Variants in CADPS2 observed in about 807,000 individuals in gnomAD.
CADPS2 encodes the protein calcium-dependent secretion activator 2.
CADPS2 carries 93 observed loss-of-function variants against 172.5 expected under a neutral mutation model. The ratio of observed to expected loss-of-function variants is 0.54; its 90% CI spans 0.46 to 0.64. CADPS2 has a LOEUF of 0.64. Among genes scored for constraint, CADPS2 ranks in the 30% least tolerant of loss-of-function variants. The pLI is 0.00. For missense variants in CADPS2, 1,420 were observed against 1,565.9 expected (o/e 0.91, Z 1.57); for synonymous variants, 546 against 555.2 (o/e 0.98, Z 0.23).
intron 1 of CADPS2, among the ~76,000 whole-genome samples, chr7:122,837,641 C>G (rs1808943000): frequency 6.6e-6 from 1 of 152,168 alleles, no homozygotes; most frequent in Non-Finnish European, 1.5e-5. Context: ...TCAGAGAATA[C>G]TATAAACACC....
intron 1 of CADPS2, among the ~76,000 whole-genome samples, chr7:122,852,629 T>A (rs951463794): frequency 1.2e-4 from 19 of 152,090 alleles, no homozygotes; most frequent in African/African-American, 4.6e-4. Context: ...ACAGTAAGAA[T>A]GAAGGCAAAG....
At chr7:122,763,536 A>G (rs2093456551) in intron 1 of CADPS2, among the ~76,000 whole-genome samples, 1 of 152,220 alleles carries the variant, frequency 6.6e-6, no homozygotes, top group Admixed American at 6.5e-5. Context: ...CATCATATCC[A>G]TCGTCAAAAT....
intron 3 of CADPS2, among the ~76,000 whole-genome samples, chr7:122,647,612 TC>T (rs977244030): frequency 2.6e-5 from 4 of 152,198 alleles, no homozygotes; most frequent in Non-Finnish European, 5.9e-5. Flanking sequence ...TTAACTTTTT[TC>T]TAGTTTAAAG....
intron 1 of CADPS2, among the ~76,000 whole-genome samples, chr7:122,882,207 A>G (rs1422726424): frequency 6.6e-6 from 1 of 152,186 alleles, no homozygotes; most frequent in Non-Finnish European, 1.5e-5. Flanking sequence ...TTATTTACAT[A>G]CATTTCTCAA....
chr7:122,677,231 T>C (rs2082474168), intron 2 of CADPS2, among the ~76,000 whole-genome samples: 1 of 152,192 alleles, frequency 6.6e-6, no homozygotes, highest in South Asian at 2.1e-4. Flanking sequence ...TGCTATAAGT[T>C]TGTAACAAAG....
At chr7:122,455,944 C>A (rs538458548) in intron 14 of CADPS2, among the ~76,000 whole-genome samples, 1 of 152,152 alleles carries the variant, frequency 6.6e-6, no homozygotes, top group East Asian at 1.9e-4. Flanking sequence ...CTCAGGTGAT[C>A]CACCCTCCTC....
At chr7:122,360,879 AC>A in intron 26 of CADPS2, 50 bp downstream of exon 26, 1 of 1,596,006 alleles carries the variant, frequency 6.3e-7, no homozygotes, top group East Asian at 2.2e-5. Context: ...CCATATAAGT[AC>A]TATGACAACA....
At chr7:122,458,000 G>A (rs1043353522) in intron 14 of CADPS2, among the ~76,000 whole-genome samples, 1 of 152,124 alleles carries the variant, frequency 6.6e-6, no homozygotes, top group African/African-American at 2.4e-5. Flanking sequence ...GAAATCTGGT[G>A]GTTTGTTGTA....
intron 17 of CADPS2, among the ~76,000 whole-genome samples, chr7:122,436,893 G>A (rs556964160): frequency 2.7e-4 from 41 of 152,128 alleles, no homozygotes; most frequent in Non-Finnish European, 4.1e-4. Context: ...TTCTGTATCC[G>A]TGGACAAGTT....
At chr7:122,529,980 A>C (rs2061617695) in intron 8 of CADPS2, among the ~76,000 whole-genome samples, 1 of 152,138 alleles carries the variant, frequency 6.6e-6, no homozygotes, top group African/African-American at 2.4e-5. Flanking sequence ...AACTGGCATG[A>C]AAAACTTACT....
Position 122,709,500 on chromosome 7 carries a change from G to A in CADPS2, c.453+27455C>T, listed in dbSNP as rs190015162. 1.8e-3 allele frequency among the ~76,000 whole-genome samples: 280 copies of A among 151,750 alleles called. 1 individual carries two copies. The highest frequency in any genetic ancestry group is 2.3e-3 in the Non-Finnish European group (157 of 67,916). On this transcript the variant is annotated intron_variant, in intron 2 of 29. Coordinates refer to ENST00000449022, the MANE Select transcript of CADPS2 (RefSeq NM_017954.11). ...CAACCATTGTGGAAGCCAGTGCAGC[G>A]ATTCCTCAGGGATCTAGAACTAGAA... is the stretch of plus-strand genomic sequence containing the variant.
chr7:122,368,906 A>G (rs2041337332), intron 25 of CADPS2, among the ~76,000 whole-genome samples: 1 of 152,054 alleles, frequency 6.6e-6, no homozygotes, highest in Non-Finnish European at 1.5e-5. Context: ...TTTTTTGATG[A>G]GGAAAATAAG....
chr7:122,416,996 T>C (rs905573647), intron 17 of CADPS2, among the ~76,000 whole-genome samples: 12 of 152,360 alleles, frequency 7.9e-5, no homozygotes, highest in South Asian at 2.1e-4. Context: ...CGGGGATTCA[T>C]AGGCTCTTTC....
intron 2 of CADPS2, among the ~76,000 whole-genome samples, chr7:122,720,840 T>C (rs754899214): frequency 1.1e-4 from 16 of 152,164 alleles, no homozygotes; most frequent in South Asian, 8.3e-4. Flanking sequence ...TTGAATATTA[T>C]TAAATTTACC....
At chr7:122,773,019 A>C (rs2093751088) in intron 1 of CADPS2, among the ~76,000 whole-genome samples, 1 of 152,136 alleles carries the variant, frequency 6.6e-6, no homozygotes. Context: ...AAATGAACAA[A>C]AAGTTAATAA....
intron 28 of CADPS2, among the ~76,000 whole-genome samples, chr7:122,344,685 T>C (rs1430751946): frequency 2.6e-5 from 4 of 152,196 alleles, no homozygotes; most frequent in Non-Finnish European, 5.9e-5. Flanking sequence ...AAACATCTTA[T>C]AGTAGGGACC....
At chr7:122,723,132 T>G (rs2090660713) in intron 2 of CADPS2, among the ~76,000 whole-genome samples, 3 of 152,260 alleles carry the variant, frequency 2.0e-5, no homozygotes, top group Admixed American at 6.5e-5. Flanking sequence ...AAGGACTTCA[T>G]GTCTAAAACA....
At chr7:122,806,068 A>T (rs1798736736) in intron 1 of CADPS2, among the ~76,000 whole-genome samples, 1 of 152,256 alleles carries the variant, frequency 6.6e-6, no homozygotes, top group Non-Finnish European at 1.5e-5. Context: ...ATAAATAAGA[A>T]GTACTAGCCC....
At chr7:122,861,752 T>C (rs1817003120) in intron 1 of CADPS2, among the ~76,000 whole-genome samples, 1 of 152,278 alleles carries the variant, frequency 6.6e-6, no homozygotes, top group Non-Finnish European at 1.5e-5. Flanking sequence ...CATTACGCAC[T>C]ATGCGTATAT....
Sources: allele counts gnomAD v4.1 joint callset (sites outside exome capture counted in the v4.1 genomes callset), GRCh38; gene constraint gnomAD v4.1.1; transcripts MANE v1.5; gene names NCBI Gene and HGNC (gene_info 2026-07-23, HGNC 2026-07-21).